The following LRMDA variants were observed in gnomAD, a reference collection of about 807,000 sequenced individuals.
The protein encoded by LRMDA is leucine rich melanocyte differentiation associated.
In LRMDA, 18 loss-of-function variants were observed where a neutral mutation model predicts 29.8. The observed-to-expected ratio is 0.60, with a 90% confidence interval of 0.42 to 0.90. The LOEUF (loss-of-function observed/expected upper bound fraction) is 0.90, where lower values mean the gene tolerates loss of function less well. Among genes scored for constraint, LRMDA ranks in the 40% least tolerant of loss-of-function variants. LRMDA has a pLI of 0.00. For synonymous variants in LRMDA, 125 were observed against 109.4 expected, an observed-to-expected ratio of 1.14 and a Z score of -0.89; for missense variants, 273 against 273.9, an observed-to-expected ratio of 1.00 and a Z score of 0.02.
intron 2 of LRMDA, among the ~76,000 whole-genome samples, chr10:75,617,426 G>A (rs945096786): frequency 6.6e-6 from 1 of 152,176 alleles, no homozygotes; most frequent in Admixed American, 6.5e-5. Context: ...GAATGTTTGA[G>A]TGTCCCCTTC....
chr10:76,038,501 A>G (rs1247835509), intron 3 of LRMDA, among the ~76,000 whole-genome samples: 1 of 152,228 alleles, frequency 6.6e-6, no homozygotes, highest in Admixed American at 6.5e-5. Context: ...TTTTCTTATC[A>G]GTGAATATTC....
chr10:75,865,419 AAAT>A (rs1183480287), intron 2 of LRMDA, among the ~76,000 whole-genome samples: 1 of 152,234 alleles, frequency 6.6e-6, no homozygotes, highest in African/African-American at 2.4e-5. Context: ...TCTCAATAAA[AAAT>A]ATGAAAAAAT....
intron 5 of LRMDA, among the ~76,000 whole-genome samples, chr10:76,176,005 G>A (rs1011406202): frequency 6.6e-5 from 10 of 152,222 alleles, no homozygotes; most frequent in African/African-American, 2.4e-4. Flanking sequence ...CCAGGAATGA[G>A]CCGGGCCTGG....
intron 2 of LRMDA, among the ~76,000 whole-genome samples, chr10:75,671,508 C>T (rs556700371): frequency 6.6e-6 from 1 of 152,232 alleles, no homozygotes; most frequent in East Asian, 1.9e-4. Context: ...AAGCTGGAAA[C>T]CATCATTCTC....
intron 2 of LRMDA, among the ~76,000 whole-genome samples, chr10:75,797,752 T>C (rs1410745053): frequency 1.3e-5 from 2 of 152,218 alleles, no homozygotes; most frequent in Admixed American, 1.3e-4. Context: ...CCATAGTGTT[T>C]TATTGCATGG....
Position 75,968,500 on chromosome 10 carries a change from C to G in LRMDA, c.132-67508C>G, listed in dbSNP as rs548213080. On this transcript the variant is annotated intron_variant, in intron 2 of 6. Transcript: ENST00000611255. ...AGTGATAGAGGGAAGGCTGCACATT[C>G]TAGAATGTTCCCTGTGGCCTTGCAT... 4.6e-5 allele frequency among the ~76,000 whole-genome samples: 7 copies of G among 152,294 alleles called. No individual in the cohort carries two copies. The South Asian group carries it at 1.5e-3, about 32-fold the overall frequency.
chr10:75,521,768 C>T (rs1390960244), intron 2 of LRMDA, among the ~76,000 whole-genome samples: 1 of 152,232 alleles, frequency 6.6e-6, no homozygotes, highest in Non-Finnish European at 1.5e-5. Context: ...GTTGGAAATG[C>T]AGAAATCACC....
At chr10:75,916,364 G>T (rs1845934864) in intron 2 of LRMDA, among the ~76,000 whole-genome samples, 1 of 152,110 alleles carries the variant, frequency 6.6e-6, no homozygotes, top group Admixed American at 6.6e-5. Flanking sequence ...TGCTGGCTGG[G>T]CTCCTCAGAG....
chr10:76,081,952 G>A (rs529940555), intron 5 of LRMDA, among the ~76,000 whole-genome samples: 1 of 152,058 alleles, frequency 6.6e-6, no homozygotes, highest in Non-Finnish European at 1.5e-5. Context: ...TTCAGATTTC[G>A]GTGCCATAGA....
chr10:76,150,480 C>A (rs892548380), intron 5 of LRMDA, among the ~76,000 whole-genome samples: 2 of 152,210 alleles, frequency 1.3e-5, no homozygotes, highest in Non-Finnish European at 2.9e-5. Flanking sequence ...CTCAGCAATG[C>A]ATGGTTTTGC....
chr10:76,246,361 T>C (rs1035587849), intron 5 of LRMDA, among the ~76,000 whole-genome samples: 4 of 152,214 alleles, frequency 2.6e-5, no homozygotes, highest in Non-Finnish European at 5.9e-5. Flanking sequence ...TACCACCTCA[T>C]GGTAGGACCT....
At position 75,741,950 on chromosome 10, in the gene LRMDA, C is replaced by T. The variant is rs115553846; in HGVS notation, c.132-294058C>T. On this transcript the variant is annotated intron_variant, in intron 2 of 6. Coordinates refer to ENST00000611255, the MANE Select transcript of LRMDA (RefSeq NM_001305581.2). ...CCCTTATAAAAGGAATCCGTGAGAG[C>T]GCTGTGAGGACAGAATGCAAAGACA... is the stretch of plus-strand genomic sequence containing the variant. Among the ~76,000 whole-genome samples, 407 of 152,276 alleles carry T rather than the reference C, an allele frequency of 2.7e-3. 4 individuals are homozygous for T. The highest frequency in any genetic ancestry group is 8.9e-3 in the African/African-American group (371 of 41,554).
intron 2 of LRMDA, among the ~76,000 whole-genome samples, chr10:75,480,782 G>A (rs1348206521): frequency 1.3e-5 from 2 of 152,196 alleles, no homozygotes; most frequent in African/African-American, 4.8e-5. Flanking sequence ...TTAGGAGGTT[G>A]TAGAGTCTTC....
intron 5 of LRMDA, among the ~76,000 whole-genome samples, chr10:76,142,989 G>A (rs377345654): frequency 1.3e-5 from 2 of 151,962 alleles, no homozygotes; most frequent in Non-Finnish European, 2.9e-5. Flanking sequence ...ATGGTTTCCA[G>A]TTTCATCCAT....
intron 2 of LRMDA, among the ~76,000 whole-genome samples, chr10:75,612,634 T>A (rs1245304597): frequency 6.8e-6 from 1 of 147,872 alleles, no homozygotes; most frequent in Non-Finnish European, 1.5e-5. Flanking sequence ...CTTATTTTAT[T>A]TATATATTTA....
At chr10:75,685,930 C>T (rs543468987) in intron 2 of LRMDA, among the ~76,000 whole-genome samples, 3 of 152,344 alleles carry the variant, frequency 2.0e-5, no homozygotes, top group African/African-American at 7.2e-5. Context: ...GCTTTACATG[C>T]ACCTCATTTA....
chr10:75,731,579 A>G (rs1842697596), intron 2 of LRMDA, among the ~76,000 whole-genome samples: 2 of 152,168 alleles, frequency 1.3e-5, no homozygotes, highest in Non-Finnish European at 2.9e-5. Flanking sequence ...TGTTGGCAAA[A>G]CCTTGAAGTC....
chr10:76,363,250 A>G (rs193201327), intron 6 of LRMDA, among the ~76,000 whole-genome samples: 5,290 of 27,446 alleles, frequency 0.19, 1,079 homozygotes, highest in African/African-American at 0.38. Flanking sequence ...AAAGAAAGAA[A>G]GAAAGAAGGA....
intron 2 of LRMDA, among the ~76,000 whole-genome samples, chr10:75,834,861 G>A (rs1042450804): frequency 6.6e-5 from 10 of 152,096 alleles, no homozygotes; most frequent in Admixed American, 2.6e-4. Flanking sequence ...GACAGTCCTC[G>A]CTTCCTTCTG....
Sources: allele counts gnomAD v4.1 joint callset (sites outside exome capture counted in the v4.1 genomes callset), GRCh38; gene constraint gnomAD v4.1.1; transcripts MANE v1.5; gene names NCBI Gene and HGNC (gene_info 2026-07-23, HGNC 2026-07-21).